KIAA0825: variants seen among roughly 807,000 people sequenced by gnomAD.
The protein encoded by KIAA0825 is uncharacterized protein KIAA0825.
KIAA0825 carries 119 observed loss-of-function variants against 147.6 expected under a neutral mutation model. The observed-to-expected ratio is 0.81, with a 90% confidence interval of 0.69 to 0.94. The LOEUF (loss-of-function observed/expected upper bound fraction) is 0.94. KIAA0825 is among the 40% of genes least tolerant of loss of function. KIAA0825 has a pLI of 0.00. For synonymous variants in KIAA0825, 470 were observed against 518.1 expected, an observed-to-expected ratio of 0.91 and a Z score of 1.26; for missense variants, 1,381 against 1,472.7, an observed-to-expected ratio of 0.94 and a Z score of 1.02.
chr5:94,562,266 T>C (rs1342041934), intron 2 of KIAA0825, among the ~76,000 whole-genome samples: 4 of 152,192 alleles, frequency 2.6e-5, no homozygotes, highest in African/African-American at 9.6e-5. Flanking sequence ...TTAAGACAAA[T>C]TCATATGAAA....
At chr5:94,369,403 G>A (rs1358305428) in intron 20 of KIAA0825, among the ~76,000 whole-genome samples, 2 of 152,074 alleles carry the variant, frequency 1.3e-5, no homozygotes, top group African/African-American at 4.8e-5. Context: ...ATTATACTTT[G>A]CCTTGACATA....
chr5:94,372,236 A>T (rs116127047), intron 20 of KIAA0825, among the ~76,000 whole-genome samples: 1 of 152,120 alleles, frequency 6.6e-6, no homozygotes, highest in Non-Finnish European at 1.5e-5. Context: ...GGTGCAAGCT[A>T]TCAGTGGATC....
chr5:94,233,194 A>C lies in KIAA0825; in HGVS notation c.3711-79070T>G, dbSNP rs17376610. Among the ~76,000 whole-genome samples, 890 of 152,328 alleles carry C rather than the reference A, an allele frequency of 5.8e-3. 4 individuals are homozygous for C. The highest frequency in any genetic ancestry group is 0.011 in the Non-Finnish European group (740 of 68,008). On this transcript the variant is annotated intron_variant, in intron 20 of 20. Coordinates refer to ENST00000682413, the MANE Select transcript of KIAA0825 (RefSeq NM_001145678.3). ...TAGCATGTTATAATTACTCTCTTGC[A>C]TAGCATTTAAGGACATCTTTGAAAA...
chr5:94,191,974 C>G (rs547894350), intron 20 of KIAA0825, among the ~76,000 whole-genome samples: 4 of 152,316 alleles, frequency 2.6e-5, no homozygotes, highest in Admixed American at 2.6e-4. Flanking sequence ...ATCGTCAGAG[C>G]AGGTTTTAGA....
chr5:94,613,472 T>C (rs1177982707), intron 1 of KIAA0825, among the ~76,000 whole-genome samples: 1 of 152,246 alleles, frequency 6.6e-6, no homozygotes, highest in East Asian at 1.9e-4. Context: ...GTGCTGGGAT[T>C]ACAGGCATGA....
intron 20 of KIAA0825, among the ~76,000 whole-genome samples, chr5:94,342,368 A>G (rs35499920): frequency 0.11 from 16,076 of 152,264 alleles, 885 homozygotes; most frequent in Non-Finnish European, 0.12. Flanking sequence ...GTTACTGCAG[A>G]ATATACACCA....
chr5:94,585,754 G>A (rs755954468), intron 1 of KIAA0825, among the ~76,000 whole-genome samples: 5 of 151,948 alleles, frequency 3.3e-5, no homozygotes, highest in African/African-American at 4.8e-5. Flanking sequence ...TCAGCACCAC[G>A]TCGCACTTTT....
At chr5:94,474,717 T>A (rs1761648727) in intron 7 of KIAA0825, among the ~76,000 whole-genome samples, 1 of 152,192 alleles carries the variant, frequency 6.6e-6, no homozygotes, top group South Asian at 2.1e-4. Flanking sequence ...ATTACGCTCA[T>A]AACTAAATTT....
intron 1 of KIAA0825, among the ~76,000 whole-genome samples, chr5:94,585,165 G>A (rs1023769884): frequency 4.6e-5 from 7 of 152,128 alleles, no homozygotes; most frequent in Admixed American, 1.3e-4. Context: ...GCATCATAAC[G>A]ACAGGATCAA....
intron 2 of KIAA0825, among the ~76,000 whole-genome samples, chr5:94,551,077 C>A (rs1775445683): frequency 6.7e-6 from 1 of 150,290 alleles, no homozygotes. Context: ...TGAAGAATTC[C>A]AGAAATAAAA....
intron 20 of KIAA0825, among the ~76,000 whole-genome samples, chr5:94,232,324 G>A (rs1338143531): frequency 6.6e-6 from 1 of 152,078 alleles, no homozygotes; most frequent in East Asian, 1.9e-4. Context: ...GTTGGCCTTG[G>A]AATTTGTTTC....
chr5:94,315,002 A>G (rs571904135), intron 20 of KIAA0825, among the ~76,000 whole-genome samples: 1 of 151,718 alleles, frequency 6.6e-6, no homozygotes, highest in Non-Finnish European at 1.5e-5. Context: ...TCTCAGACAA[A>G]TAGGACTGTT....
chr5:94,447,794 A>T (rs757112151), intron 13 of KIAA0825, among the ~76,000 whole-genome samples: 41 of 152,146 alleles, frequency 2.7e-4, no homozygotes, highest in Admixed American at 9.8e-4. Context: ...CATTGAATAG[A>T]AGCATAGTAG....
intron 2 of KIAA0825, among the ~76,000 whole-genome samples, chr5:94,543,287 T>C (rs1435460489): frequency 6.6e-6 from 1 of 151,764 alleles, no homozygotes; most frequent in Non-Finnish European, 1.5e-5. Context: ...CTACTAAAAG[T>C]ACAAAAATTA....
chr5:94,594,448 A>G, intron 1 of KIAA0825: 1 of 738,594 alleles, frequency 1.4e-6, no homozygotes, highest in Non-Finnish European at 2.5e-6. Flanking sequence ...GTAGATTTTG[A>G]GTGTATCTTG....
intron 5 of KIAA0825, among the ~76,000 whole-genome samples, chr5:94,495,702 A>G (rs1460500365): frequency 1.3e-5 from 2 of 152,226 alleles, no homozygotes; most frequent in African/African-American, 4.8e-5. Flanking sequence ...CACTCGATAC[A>G]TAAGAAAAAC....
chr5:94,415,738 A>C (rs3733814), intron 15 of KIAA0825: 5 of 152,204 alleles, frequency 3.3e-5, no homozygotes, highest in African/African-American at 1.2e-4. Context: ...CTGACCATGT[A>C]GGGGAGGGTT....
At chr5:94,446,001 T>C (rs950289197) in intron 13 of KIAA0825, among the ~76,000 whole-genome samples, 11 of 152,158 alleles carry the variant, frequency 7.2e-5, no homozygotes, top group East Asian at 3.9e-4. Context: ...TCAGCAGCAG[T>C]TGGGAGACCA....
chr5:94,326,917 G>A (rs1363796798), intron 20 of KIAA0825, among the ~76,000 whole-genome samples: 1 of 152,206 alleles, frequency 6.6e-6, no homozygotes, highest in African/African-American at 2.4e-5. Flanking sequence ...ATCTTGAGAT[G>A]TGGTGACATC....
Sources: allele counts gnomAD v4.1 joint callset (sites outside exome capture counted in the v4.1 genomes callset), GRCh38; gene constraint gnomAD v4.1.1; transcripts MANE v1.5; gene names NCBI Gene and HGNC (gene_info 2026-07-23, HGNC 2026-07-21).